Variants in NREP observed in about 807,000 individuals in gnomAD.
The protein encoded by NREP is neuronal regeneration-related protein.
A neutral mutation model predicts 8.6 loss-of-function variants in NREP; 5 were observed. That is an observed-to-expected ratio of 0.58 (90% CI 0.30 to 1.22). The LOEUF is 1.22. Ranked by LOEUF, NREP falls within the 50% of genes most tolerant of loss-of-function variation. The pLI is 0.07. For missense variants in NREP, 86 were observed against 82.5 expected (o/e 1.04, Z -0.17); for synonymous variants, 27 against 28.0 (o/e 0.96, Z 0.11).
chr5:111,854,742 T>G (rs963448021), intron 2 of NREP, among the ~76,000 whole-genome samples: 2 of 152,142 alleles, frequency 1.3e-5, no homozygotes, highest in South Asian at 4.1e-4. Flanking sequence ...GAAAAAAACT[T>G]GACAGATAAG....
intron 2 of NREP, among the ~76,000 whole-genome samples, chr5:111,792,014 T>A (rs1400252657): frequency 6.6e-6 from 1 of 152,218 alleles, no homozygotes; most frequent in Non-Finnish European, 1.5e-5. Context: ...AAGGAAACAC[T>A]ATATAGTTAT....
intron 2 of NREP, among the ~76,000 whole-genome samples, chr5:111,882,372 A>T (rs1385908812): frequency 6.6e-6 from 1 of 152,238 alleles, no homozygotes; most frequent in African/African-American, 2.4e-5. Flanking sequence ...CCTGAAAGTG[A>T]CGGGGAGAAT....
rs113396130 is a variant in NREP, at chr5:111,882,249, A to C, written c.135+93025T>G. Among the ~76,000 whole-genome samples, 4 of 152,334 alleles carry C rather than the reference A, an allele frequency of 2.6e-5. No individual in the cohort carries two copies. The East Asian group carries it at 7.7e-4, about 29-fold the overall frequency. On this transcript the variant is annotated intron_variant, in intron 2 of 3. Coordinates refer to the NREP transcript ENST00000395634. ...GTATCAGTGATGGAAGATGAAATGAATGAAATGAAGCAAGAAGGGAAGTTT... is the reference window on the plus strand; with the variant it reads ...GTATCAGTGATGGAAGATGAAATGACTGAAATGAAGCAAGAAGGGAAGTTT...
At chr5:111,871,882 C>A (rs1753799389) in intron 2 of NREP, among the ~76,000 whole-genome samples, 1 of 143,532 alleles carries the variant, frequency 7.0e-6, no homozygotes, top group African/African-American at 2.8e-5. Context: ...ATATGAAAAT[C>A]TCGTTCTATA....
chr5:111,759,389 A>C (rs1453385700), upstream of NREP, among the ~76,000 whole-genome samples: 1 of 151,948 alleles, frequency 6.6e-6, no homozygotes, highest in Non-Finnish European at 1.5e-5. Context: ...TCTTTCACAG[A>C]GAAGTGTTAA....
chr5:111,729,378 G>C lies in NREP; in HGVS notation c.*1543C>G, dbSNP rs530929620. 3.9e-5 allele frequency: 6 copies of C among 152,382 alleles called. No homozygotes were observed. In the South Asian group the frequency reaches 1.2e-3, roughly 32 times the overall value. The allele number at this position is 152,382 out of a possible 1,614,324, so 9.4% of individuals were successfully genotyped here. ...AATACATTGGGTACTTGTCATGAGT[G>C]CATCAGTAAAGATCACACTGTTACA... is the stretch of plus-strand genomic sequence containing the variant. On this transcript the variant is annotated 3_prime_UTR_variant, in exon 4 of 4. Transcript: ENST00000257435.
intron 2 of NREP, among the ~76,000 whole-genome samples, chr5:111,847,401 A>G (rs988234789): frequency 3.9e-5 from 6 of 152,162 alleles, no homozygotes; most frequent in African/African-American, 1.4e-4. Context: ...TCTAACCCTA[A>G]TTAGTTCCCC....
intron 2 of NREP, among the ~76,000 whole-genome samples, chr5:111,907,367 G>A (rs1328659775): frequency 6.6e-6 from 1 of 152,038 alleles, no homozygotes. Context: ...TGTGAAATCT[G>A]TAAGGACAAT....
At chr5:111,873,043 T>A (rs1046539014) in intron 2 of NREP, among the ~76,000 whole-genome samples, 1 of 152,160 alleles carries the variant, frequency 6.6e-6, no homozygotes, top group African/African-American at 2.4e-5. Flanking sequence ...ATCATTGAGC[T>A]ACTAAGCCTT....
chr5:111,857,509 T>C (rs895168510), intron 2 of NREP, among the ~76,000 whole-genome samples: 2 of 152,174 alleles, frequency 1.3e-5, no homozygotes, highest in African/African-American at 4.8e-5. Flanking sequence ...ACTCTAGTAG[T>C]CTTAAGCTTC....
chr5:111,882,044 G>T (rs1754092956), intron 2 of NREP, among the ~76,000 whole-genome samples: 1 of 152,136 alleles, frequency 6.6e-6, no homozygotes, highest in Admixed American at 6.5e-5. Context: ...GCTACAGGAG[G>T]AAATTCAAAC....
intron 2 of NREP, among the ~76,000 whole-genome samples, chr5:111,748,561 G>C (rs548094696): frequency 1.3e-5 from 2 of 152,254 alleles, no homozygotes; most frequent in African/African-American, 4.8e-5. Context: ...ACTGGTTCAT[G>C]GTGTGGGATC....
intron 2 of NREP, among the ~76,000 whole-genome samples, chr5:111,887,739 A>G (rs189410896): frequency 6.6e-6 from 1 of 152,342 alleles, no homozygotes; most frequent in East Asian, 1.9e-4. Flanking sequence ...GAACTTTAAA[A>G]AGTGCTGACG....
At chr5:111,757,702 C>T (rs928353067), upstream of NREP, 14 of 984,490 alleles carry the variant, frequency 1.4e-5, no homozygotes, top group African/African-American at 8.7e-5. Flanking sequence ...GGAGACAAAG[C>T]GGACCCGCAG....
chr5:111,848,847 C>G (rs189670496), intron 2 of NREP, among the ~76,000 whole-genome samples: 13 of 150,882 alleles, frequency 8.6e-5, no homozygotes, highest in Non-Finnish European at 1.8e-4. Flanking sequence ...AGCAGAGGAG[C>G]CTGAGCCTAA....
chr5:111,754,692 A>T (rs768216696), intron 2 of NREP, among the ~76,000 whole-genome samples: 1 of 152,208 alleles, frequency 6.6e-6, no homozygotes, highest in Non-Finnish European at 1.5e-5. Flanking sequence ...AACAAGGTCC[A>T]TGTGGTGCTT....
intron 2 of NREP, among the ~76,000 whole-genome samples, chr5:111,872,969 T>C (rs912499745): frequency 4.6e-5 from 7 of 152,144 alleles, no homozygotes; most frequent in Admixed American, 4.6e-4. Context: ...CATTTTAACT[T>C]GGGTCTCAGG....
chr5:111,868,833 CTTTTTTTTT>C (rs11352654), intron 2 of NREP, among the ~76,000 whole-genome samples: 2 of 143,776 alleles, frequency 1.4e-5, no homozygotes, highest in African/African-American at 5.0e-5. Context: ...TCCAGTTTTT[CTTTTTTTTT>C]TTTTTACCAC....
chr5:111,809,582 T>C (rs921151997), intron 2 of NREP, among the ~76,000 whole-genome samples: 1 of 152,110 alleles, frequency 6.6e-6, no homozygotes, highest in Non-Finnish European at 1.5e-5. Context: ...TGGATTCTTA[T>C]AAAGCCAGGA....
Sources: gnomAD v4.1 joint callset for allele counts (sites outside exome capture counted in the v4.1 genomes callset) on GRCh38, gnomAD v4.1.1 for gene constraint, MANE v1.5 for transcripts, NCBI Gene and HGNC (gene_info 2026-07-23, HGNC 2026-07-21) for gene names.